RC3H2: variants seen among roughly 807,000 people sequenced by gnomAD.
RC3H2 encodes roquin-2.
RC3H2 carries 31 observed loss-of-function variants against 133.3 expected under a neutral mutation model. The observed-to-expected ratio is 0.23, with a 90% CI of 0.17 to 0.31. RC3H2 has a LOEUF of 0.31. Among genes scored for constraint, RC3H2 ranks in the 10% least tolerant of loss-of-function variants. The pLI, the probability that RC3H2 is intolerant of heterozygous loss-of-function variation, is 1.00. For missense variants in RC3H2, 1,175 were observed against 1,437.2 expected, an observed-to-expected ratio of 0.82 and a Z score of 2.95; for synonymous variants, 517 against 502.2, an observed-to-expected ratio of 1.03 and a Z score of -0.40.
chr9:122,897,978 C>G (rs1054354094), intron 1 of RC3H2: 2 of 155,732 alleles, frequency 1.3e-5, no homozygotes, highest in African/African-American at 4.8e-5. Flanking sequence ...AACCAGTACC[C>G]CAAAACATAA....
At chr9:122,889,115 T>C (rs1042751744) in intron 4 of RC3H2, among the ~76,000 whole-genome samples, 1 of 152,210 alleles carries the variant, frequency 6.6e-6, no homozygotes, top group Non-Finnish European at 1.5e-5. Flanking sequence ...GTTATATTAG[T>C]CCTCTGTGTA....
At chr9:122,878,237 C>A (rs1205563396) in intron 8 of RC3H2, among the ~76,000 whole-genome samples, 2 of 152,050 alleles carry the variant, frequency 1.3e-5, no homozygotes, top group Non-Finnish European at 2.9e-5. Flanking sequence ...GGTTTGATCC[C>A]AGCTCTTACT....
chr9:122,881,758 C>T (rs1220892203), intron 5 of RC3H2, among the ~76,000 whole-genome samples: 1 of 152,178 alleles, frequency 6.6e-6, no homozygotes, highest in African/African-American at 2.4e-5. Flanking sequence ...TTTCTGGGCT[C>T]AAGCAATCCT....
rs1054542166 is a variant in RC3H2 at position 122,844,573 on chromosome 9, A to C, written c.*5054T>G. 6.6e-6 allele frequency: 1 copy of C among 152,214 alleles called. No homozygotes were observed. Among genetic ancestry groups the C allele is most frequent in the African/African-American group, 2.4e-5 (1 of 41,450 alleles). 9.4% of individuals were successfully genotyped at this position (152,214 alleles called of 1,614,324 possible). A position where few individuals can be genotyped will look rare whatever the true frequency, so the allele number is the denominator to read the frequency against. On this transcript the variant is annotated 3_prime_UTR_variant, in exon 21 of 21. Transcript: ENST00000357244. ...CAAACAACTTTTAAGGTGGACAAAT[A>C]ATTTTATTTTGTGCATGCAAATACA... is the stretch of plus-strand genomic sequence containing the variant.
chr9:122,860,360 G>A (rs1013671640), intron 10 of RC3H2, among the ~76,000 whole-genome samples: 8 of 150,350 alleles, frequency 5.3e-5, no homozygotes, highest in African/African-American at 1.7e-4. Flanking sequence ...GAATAAAAAC[G>A]ATTCCCAGAT....
chr9:122,867,421 C>T (rs911615686), intron 9 of RC3H2, among the ~76,000 whole-genome samples: 1 of 146,682 alleles, frequency 6.8e-6, no homozygotes, highest in Non-Finnish European at 1.5e-5. Context: ...GGGGTCAGCA[C>T]CCCGCCCGGC....
At chr9:122,876,880 G>T (rs1831363930) in intron 9 of RC3H2, among the ~76,000 whole-genome samples, 1 of 152,150 alleles carries the variant, frequency 6.6e-6, no homozygotes, top group African/African-American at 2.4e-5. Flanking sequence ...CCGTAAAAAG[G>T]ATATATATCT....
chr9:122,858,726 A>G lies in RC3H2; in HGVS notation c.2226T>C (p.Tyr742=). 1.2e-6 allele frequency: 2 copies of G among 1,614,024 alleles called. No individual in the cohort carries two copies. Among genetic ancestry groups the G allele is most frequent in the African/African-American group, 1.3e-5 (1 of 75,074 alleles). Residue 742 remains tyrosine (Y), a synonymous_variant, in exon 12 of 21, where the codon TAT becomes TAC. Transcript: ENST00000357244. ...TTGGTGGCTGACAAGCCACCGAATA[A>G]TATCCATCTAATGAGTTATATCTTT... The part of the protein sequence containing the change: ...LRERYNSLDG[Y]YSVACQPPSE...
intron 9 of RC3H2, among the ~76,000 whole-genome samples, chr9:122,871,693 T>C (rs868683441): frequency 1.3e-5 from 2 of 152,122 alleles, no homozygotes; most frequent in Non-Finnish European, 2.9e-5. Flanking sequence ...TCAATCACTC[T>C]TTTTCTCCTT....
chr9:122,884,852 CAAA>C (rs984960701), intron 4 of RC3H2, among the ~76,000 whole-genome samples: 10 of 94,476 alleles, frequency 1.1e-4, no homozygotes, highest in Admixed American at 2.3e-4. Context: ...AGTCCGTCTC[CAAA>C]AAAAAAAAAA....
intron 10 of RC3H2, among the ~76,000 whole-genome samples, chr9:122,860,755 TA>T (rs879691394): frequency 3.1e-3 from 437 of 140,318 alleles, no homozygotes; most frequent in Non-Finnish European, 2.7e-3. Context: ...TACTGAAGGT[TA>T]AAAAAAAAAA....
chr9:122,898,806 C>T (rs945275602), intron 1 of RC3H2, among the ~76,000 whole-genome samples: 2 of 147,204 alleles, frequency 1.4e-5, no homozygotes, highest in African/African-American at 5.0e-5. Context: ...AGTAGCAAAA[C>T]GATACTAATT....
intron 18 of RC3H2, chr9:122,851,648 C>T (rs1226977009): frequency 9.7e-5 from 55 of 568,088 alleles, no homozygotes; most frequent in East Asian, 8.7e-4. Context: ...AGGCGCGCGC[C>T]GCCACGCCTG....
Position 122,890,291 on chromosome 9 carries a change from TAAGATAG to T in RC3H2, c.583+14_583+20del. ...AAGCCCCAATAGCTAATAAAAAAGGTAAGATAGTAACCTATCTTACCTGGCCCTAAAA... is the reference window on the plus strand; with the variant it reads ...AAGCCCCAATAGCTAATAAAAAAGGTTAACCTATCTTACCTGGCCCTAAAA... On this transcript the variant is annotated intron_variant, in intron 4 of 20. Transcript: ENST00000357244. The T allele has an allele frequency of 6.2e-7, 1 of 1,602,764 alleles. No homozygotes were observed. Among genetic ancestry groups the T allele is most frequent in the Non-Finnish European group, 8.5e-7 (1 of 1,170,888 alleles).
At chr9:122,879,631 A>T in intron 8 of RC3H2, 124 bp downstream of exon 8, 1 of 663,850 alleles carries the variant, frequency 1.5e-6, no homozygotes, top group East Asian at 2.6e-5. Context: ...CTCCCAAAAG[A>T]ATAGAGATGA....
At chr9:122,852,251 C>T (rs1433352905) in intron 18 of RC3H2, among the ~76,000 whole-genome samples, 1 of 150,250 alleles carries the variant, frequency 6.7e-6, no homozygotes, top group Non-Finnish European at 1.5e-5. Context: ...TGAGGAGACC[C>T]TCCGCCCGGC....
At chr9:122,889,759 C>T (rs1279978454) in intron 4 of RC3H2, among the ~76,000 whole-genome samples, 1 of 152,118 alleles carries the variant, frequency 6.6e-6, no homozygotes, top group Non-Finnish European at 1.5e-5. Flanking sequence ...GCTATATTGC[C>T]TATCTTGATG....
intron 18 of RC3H2, among the ~76,000 whole-genome samples, chr9:122,852,770 C>A (rs1460806571): frequency 2.0e-5 from 3 of 150,406 alleles, no homozygotes; most frequent in Non-Finnish European, 4.4e-5. Flanking sequence ...GGGGGTCAGC[C>A]CCCCGCCTGG....
rs549500513 is a variant in RC3H2, at chr9:122,848,854, G to A, written c.*773C>T. 15 of 152,020 alleles carry A rather than the reference G, an allele frequency of 9.9e-5. No individual in the cohort carries two copies. Among genetic ancestry groups the A allele is most frequent in the Non-Finnish European group, 1.8e-4 (12 of 67,980 alleles). The allele number at this position is 152,020 out of a possible 1,614,324, so 9.4% of individuals were successfully genotyped here. On this transcript the variant is annotated 3_prime_UTR_variant, in exon 21 of 21. Transcript: ENST00000357244. ...TGTAAAAACGATTCTGCATAACTTA[G>A]GAGAATTTAATATCTAGTACATCAG...
Sources: gnomAD v4.1 joint callset for allele counts (sites outside exome capture counted in the v4.1 genomes callset) on GRCh38, gnomAD v4.1.1 for gene constraint, MANE v1.5 for transcripts, NCBI Gene and HGNC (gene_info 2026-07-23, HGNC 2026-07-21) for gene names.